Variants in IL20RB observed in about 807,000 individuals in gnomAD.
The protein encoded by IL20RB is interleukin-20 receptor subunit beta.
A neutral mutation model predicts 33.3 loss-of-function variants in IL20RB; 21 were observed. The observed-to-expected ratio is 0.63, with a 90% CI of 0.45 to 0.91. The LOEUF is 0.91. Ranked by LOEUF, IL20RB falls within the 40% of genes least tolerant of loss-of-function variation. The pLI, the probability that IL20RB is intolerant of heterozygous loss-of-function variation, is 0.00. For synonymous variants in IL20RB, 147 were observed against 146.8 expected (o/e 1.00, Z -0.01); for missense variants, 345 against 384.8 (o/e 0.90, Z 0.86).
intron 1 of IL20RB, among the ~76,000 whole-genome samples, chr3:136,959,857 A>G (rs1489312192): frequency 2.0e-5 from 3 of 152,198 alleles, no homozygotes; most frequent in Non-Finnish European, 4.4e-5. Flanking sequence ...TTCCTGTGAA[A>G]TGGTCATAAT....
intron 6 of IL20RB, among the ~76,000 whole-genome samples, chr3:136,996,504 G>C (rs1333084145): frequency 6.6e-6 from 1 of 152,090 alleles, no homozygotes; most frequent in African/African-American, 2.4e-5. Context: ...TATCAGCCTG[G>C]AGTCACTCTT....
chr3:136,970,076 G>GTT (rs957632759), intron 1 of IL20RB, among the ~76,000 whole-genome samples: 2 of 150,222 alleles, frequency 1.3e-5, no homozygotes, highest in African/African-American at 4.9e-5. Flanking sequence ...TGTTTAAAGC[G>GTT]TTTTTTTTGT....
chr3:136,985,323 G>A, intron 3 of IL20RB, among the ~76,000 whole-genome samples: 1 of 140,272 alleles, frequency 7.1e-6, no homozygotes, highest in South Asian at 2.3e-4. Flanking sequence ...GATCCCTACT[G>A]TCTCTCTCTC....
At chr3:136,993,737 G>A (rs1942075960) in intron 5 of IL20RB, among the ~76,000 whole-genome samples, 1 of 152,152 alleles carries the variant, frequency 6.6e-6, no homozygotes, top group Admixed American at 6.6e-5. Flanking sequence ...AAAGAGCCAG[G>A]TGTGGTGGCT....
At chr3:136,980,377 T>A in intron 1 of IL20RB, 89 bp from the exon 2 acceptor site, 1 of 1,527,406 alleles carries the variant, frequency 6.5e-7, no homozygotes, top group Non-Finnish European at 9.0e-7. Flanking sequence ...CCTCCGCCAG[T>A]GAGGCCCTTC....
At chr3:136,958,225 CAATAGTTT>C in intron 1 of IL20RB, 24 bp downstream of exon 1, 1 of 1,459,598 alleles carries the variant, frequency 6.9e-7, no homozygotes, top group Non-Finnish European at 9.6e-7. Context: ...AGAATACATC[CAATAGTTT>C]GGGCCTTGAA....
At chr3:136,982,540 T>G (rs1941803108) in intron 3 of IL20RB, among the ~76,000 whole-genome samples, 190 bp downstream of exon 3, 1 of 152,234 alleles carries the variant, frequency 6.6e-6, no homozygotes, top group Admixed American at 6.5e-5. Context: ...CTCTCTGTCA[T>G]GCCCTTTGAC....
intron 6 of IL20RB, among the ~76,000 whole-genome samples, chr3:136,997,371 C>T (rs768655364): frequency 1.3e-5 from 2 of 152,146 alleles, no homozygotes; most frequent in Admixed American, 6.5e-5. Context: ...GGATTATAGG[C>T]GTGAGCCACT....
Position 136,995,544 on chromosome 3 carries a change from C to A in IL20RB, c.813C>A (p.Leu271=). The A allele has an allele frequency of 6.2e-7, 1 of 1,614,118 alleles. No homozygotes were observed. ...LQYSCCPVVV[L]PDTLKITNSP... ...ACTCCTGTTGCCCCGTGGTGGTCCT[C>A]CCAGACACCTTGGTAATAGAGTAGT... Residue 271 remains leucine (L), a synonymous_variant, in exon 6 of 7, where the codon CTC becomes CTA. Coordinates refer to ENST00000329582, the MANE Select transcript of IL20RB (RefSeq NM_144717.4).
intron 1 of IL20RB, among the ~76,000 whole-genome samples, chr3:136,970,939 G>T (rs765297197): frequency 7.2e-5 from 11 of 151,848 alleles, no homozygotes; most frequent in Non-Finnish European, 1.6e-4. Flanking sequence ...GGCATGAGAC[G>T]CTGTGCCTGG....
chr3:136,958,108 T>G lies in IL20RB; in HGVS notation c.-6T>G. On this transcript the variant is annotated 5_prime_UTR_variant, in exon 1 of 7. Coordinates refer to ENST00000329582, the MANE Select transcript of IL20RB (RefSeq NM_144717.4). ...ACAATGTTCTAGGTCAAACTGAGTC[T>G]ACCAAATGCAGACTTTCACAATGGT... 1 of 1,570,242 alleles carries G rather than the reference T, an allele frequency of 6.4e-7. No individual in the cohort carries two copies. Among genetic ancestry groups the G allele is most frequent in the Non-Finnish European group, 8.8e-7 (1 of 1,141,002 alleles).
rs890201994 is a variant in IL20RB at position 137,009,462 on chromosome 3, G to T, written c.826-651G>T. On this transcript the variant is annotated intron_variant, in intron 6 of 6. Transcript: ENST00000329582. ...ACATCCTCTCTGTATTGGGCACCAT[G>T]CTAGGTGCTGTTCATAAAGCATCTC... Among the ~76,000 whole-genome samples, 3 of 152,306 alleles carry T rather than the reference G, an allele frequency of 2.0e-5. No homozygotes were observed. In the South Asian group the frequency reaches 6.2e-4, roughly 32 times the overall value.
chr3:136,987,515 G>A (rs1402269460), intron 3 of IL20RB, among the ~76,000 whole-genome samples: 1 of 152,250 alleles, frequency 6.6e-6, no homozygotes, highest in Non-Finnish European at 1.5e-5. Context: ...CAGGAGGCCA[G>A]CTGGCTTCAC....
At chr3:137,001,008 AAAGGGTT>A (rs1416628012) in intron 6 of IL20RB, among the ~76,000 whole-genome samples, 21 of 152,228 alleles carry the variant, frequency 1.4e-4, no homozygotes. Flanking sequence ...AGAACCATGT[AAAGGGTT>A]AATAACTTAC....
rs182012332 is a variant in IL20RB, at chr3:136,997,067, C to T, written c.825+1511C>T. 2.6e-5 allele frequency among the ~76,000 whole-genome samples: 4 copies of T among 151,900 alleles called. No homozygotes were observed. The East Asian group carries it at 7.7e-4, about 29-fold the overall frequency. ...TTGAGAGTAGGATATCAAAATGCCA[C>T]CGAGTGTGGGCATATCTGTTTTTCT... is the stretch of plus-strand genomic sequence containing the variant. On this transcript the variant is annotated intron_variant, in intron 6 of 6. Transcript: ENST00000329582.
chr3:136,973,388 G>C (rs1480484107), intron 1 of IL20RB, among the ~76,000 whole-genome samples: 1 of 151,916 alleles, frequency 6.6e-6, no homozygotes, highest in Non-Finnish European at 1.5e-5. Context: ...CTACTCAGGA[G>C]GCCGAGGCAG....
Position 136,991,924 on chromosome 3 carries a change from C to G in IL20RB, c.532-14C>G, listed in dbSNP as rs1291653275. 1.9e-6 allele frequency: 3 copies of G among 1,612,312 alleles called. No homozygotes were observed. Among genetic ancestry groups the G allele is most frequent in the Admixed American group, 3.3e-5 (2 of 59,936 alleles). Reference sequence around the variant, plus strand: ...CGCACTTGGCCAATAACTGTGTTTTCTGGTCTGTCAAAGGAACATGTCAAA... The same window carrying G: ...CGCACTTGGCCAATAACTGTGTTTTGTGGTCTGTCAAAGGAACATGTCAAA... On this transcript the variant is annotated splice_polypyrimidine_tract_variant and intron_variant, in intron 4 of 6. Coordinates refer to ENST00000329582, the MANE Select transcript of IL20RB (RefSeq NM_144717.4).
intron 6 of IL20RB, among the ~76,000 whole-genome samples, chr3:137,005,920 G>A (rs1366625951): frequency 1.3e-5 from 2 of 152,184 alleles, no homozygotes; most frequent in Non-Finnish European, 2.9e-5. Flanking sequence ...TCATCTCCAT[G>A]TTTAGTGCTT....
intron 1 of IL20RB, among the ~76,000 whole-genome samples, chr3:136,961,326 T>C (rs796778314): frequency 2.8e-4 from 43 of 152,294 alleles, no homozygotes; most frequent in African/African-American, 9.6e-4. Context: ...AAATTTTAAC[T>C]ATTCTTTAGC....
Sources: allele counts gnomAD v4.1 joint callset (sites outside exome capture counted in the v4.1 genomes callset), GRCh38; gene constraint gnomAD v4.1.1; transcripts MANE v1.5; gene names NCBI Gene and HGNC (gene_info 2026-07-23, HGNC 2026-07-21).